PPP1R16B: variants seen among roughly 807,000 people sequenced by gnomAD.
The protein encoded by PPP1R16B is protein phosphatase 1 regulatory inhibitor subunit 16B.
PPP1R16B carries 14 observed loss-of-function variants against 61.7 expected under a neutral mutation model. The observed-to-expected ratio is 0.23, with a 90% confidence interval of 0.15 to 0.35. The LOEUF (loss-of-function observed/expected upper bound fraction) is 0.35. PPP1R16B is among the 10% of genes least tolerant of loss of function. The pLI is 1.00. For missense variants in PPP1R16B, 547 were observed against 752.5 expected, an observed-to-expected ratio of 0.73 and a Z score of 3.19; for synonymous variants, 266 against 305.3, an observed-to-expected ratio of 0.87 and a Z score of 1.34.
intron 1 of PPP1R16B, among the ~76,000 whole-genome samples, chr20:38,829,743 C>T (rs948545338): frequency 1.1e-4 from 16 of 152,322 alleles, no homozygotes; most frequent in African/African-American, 3.1e-4. Context: ...GGGGCCACCC[C>T]GCTGCTGTGT....
chr20:38,825,646 T>A (rs1428802906), intron 1 of PPP1R16B, among the ~76,000 whole-genome samples: 2 of 152,192 alleles, frequency 1.3e-5, no homozygotes, highest in African/African-American at 2.4e-5. Flanking sequence ...ATTTCCTTGA[T>A]GCTTATCTAC....
rs1277371858 is a variant in PPP1R16B at position 38,921,377 on chromosome 20, G to T, written c.*2711G>T. 6.6e-6 allele frequency: 1 copy of T among 152,268 alleles called. No homozygotes were observed. Among genetic ancestry groups the T allele is most frequent in the Non-Finnish European group, 1.5e-5 (1 of 68,052 alleles). 9.4% of individuals were successfully genotyped at this position (152,268 alleles called of 1,614,324 possible). ...CTCTACGTTAGGTTCTGCGGATAAA[G>T]GAGGAATAAGACAGAGTCAGGAGAA... On this transcript the variant is annotated 3_prime_UTR_variant, in exon 11 of 11. Coordinates refer to ENST00000299824, the MANE Select transcript of PPP1R16B (RefSeq NM_015568.4).
At chr20:38,869,710 A>G (rs939042983) in intron 2 of PPP1R16B, among the ~76,000 whole-genome samples, 4 of 152,064 alleles carry the variant, frequency 2.6e-5, no homozygotes, top group Non-Finnish European at 4.4e-5. Context: ...TGCTCAACTT[A>G]TATGCGAAGA....
intron 1 of PPP1R16B, among the ~76,000 whole-genome samples, chr20:38,809,985 GAAAAAAAA>G (rs11086731): frequency 6.2e-5 from 5 of 80,150 alleles, no homozygotes; most frequent in African/African-American, 9.3e-5. Context: ...ACCTTGTTTC[GAAAAAAAA>G]AAAAAAAAAA....
rs577545154 is a variant in PPP1R16B at position 38,900,572 on chromosome 20, T to C, written c.468-9T>C. 6.3e-7 allele frequency: 1 copy of C among 1,597,738 alleles called. No individual in the cohort carries two copies. The highest frequency in any genetic ancestry group is 8.5e-7 in the Non-Finnish European group (1 of 1,172,946). On this transcript the variant is annotated splice_polypyrimidine_tract_variant and intron_variant, in intron 4 of 10. Transcript: ENST00000299824. ...CTACTTGGCCCTCACCCTGCCTCTT[T>C]CTCTGCAGTGGGGCCGACTTGCTTG...
rs1231463989 is a variant in PPP1R16B at position 38,921,541 on chromosome 20, T to C, written c.*2875T>C. ...TAGAATCCTTAGAGTCTGAATTCCT[T>C]TAGCTGGGAACAGCTGTCATGGTCA... On this transcript the variant is annotated 3_prime_UTR_variant, in exon 11 of 11. Transcript: ENST00000299824. 3 of 152,190 alleles carry C rather than the reference T, an allele frequency of 2.0e-5. No homozygotes were observed. The highest frequency in any genetic ancestry group is 6.5e-5 in the Admixed American group (1 of 15,280). 9.4% of individuals were successfully genotyped at this position (152,190 alleles called of 1,614,324 possible). A position where few individuals can be genotyped will look rare whatever the true frequency, so the allele number is the denominator to read the frequency against.
At chr20:38,910,726 C>T (rs1394618954) in intron 10 of PPP1R16B, among the ~76,000 whole-genome samples, 2 of 151,838 alleles carry the variant, frequency 1.3e-5, no homozygotes, top group Non-Finnish European at 2.9e-5. Context: ...GGCTGGGTGC[C>T]GTGGCTCATG....
chr20:38,862,832 T>C (rs1291778010), intron 2 of PPP1R16B, among the ~76,000 whole-genome samples: 1 of 152,224 alleles, frequency 6.6e-6, no homozygotes, highest in African/African-American at 2.4e-5. Context: ...CCATCAGTTA[T>C]GGCCTTTGGA....
chr20:38,886,576 C>T (rs1012767883), intron 2 of PPP1R16B, among the ~76,000 whole-genome samples: 1 of 152,222 alleles, frequency 6.6e-6, no homozygotes, highest in African/African-American at 2.4e-5. Flanking sequence ...AGGGCACCCC[C>T]ACTCACCCGT....
chr20:38,898,423 C>A (rs573893244), intron 4 of PPP1R16B, among the ~76,000 whole-genome samples: 1 of 152,192 alleles, frequency 6.6e-6, no homozygotes, highest in Admixed American at 6.5e-5. Flanking sequence ...AGTGTGAATC[C>A]GCCAGCTTTG....
chr20:38,868,107 T>C (rs1381308352), intron 2 of PPP1R16B, among the ~76,000 whole-genome samples: 1 of 152,216 alleles, frequency 6.6e-6, no homozygotes, highest in East Asian at 1.9e-4. Flanking sequence ...CTGGGCTGTT[T>C]TCCATCTATT....
At chr20:38,875,381 G>T (rs2085158557) in intron 2 of PPP1R16B, among the ~76,000 whole-genome samples, 1 of 152,190 alleles carries the variant, frequency 6.6e-6, no homozygotes, top group Admixed American at 6.5e-5. Flanking sequence ...TGCCCACCCA[G>T]CTGCCCTGGT....
intron 2 of PPP1R16B, among the ~76,000 whole-genome samples, chr20:38,858,885 T>C (rs1295526516): frequency 6.6e-6 from 1 of 152,186 alleles, no homozygotes; most frequent in Non-Finnish European, 1.5e-5. Context: ...TTGTCTCTGC[T>C]CCACAACGTC....
intron 2 of PPP1R16B, among the ~76,000 whole-genome samples, chr20:38,865,588 G>A (rs1452883576): frequency 6.6e-6 from 1 of 152,158 alleles, no homozygotes; most frequent in Non-Finnish European, 1.5e-5. Context: ...GCCGCGCCCG[G>A]CCTGCTGCAT....
chr20:38,835,873 C>T lies in PPP1R16B; in HGVS notation c.-53C>T, dbSNP rs1011318692. 202 of 1,474,430 alleles carry T rather than the reference C, an allele frequency of 1.4e-4. 1 individual carries two copies. In the Admixed American group the frequency reaches 4.4e-3, roughly 32 times the overall value. 91.3% of individuals were successfully genotyped at this position (1,474,430 alleles called of 1,614,324 possible). On this transcript the variant is annotated 5_prime_UTR_variant, in exon 2 of 11. Coordinates refer to ENST00000299824, the MANE Select transcript of PPP1R16B (RefSeq NM_015568.4). ...CACCAGAGGCCCCGCGCTGCCCTGG[C>T]CCCCGGTGCACCGTGCTAGCCCCCA...
In PPP1R16B at chr20:38,914,012, C is replaced by T. The variant is rs575162135; in HGVS notation, c.1195-4145C>T. ...TTTGAGACCAGCCTGGCCAACATGG[C>T]GAAACCCTGTCTCTACTAAAAATAG... On this transcript the variant is annotated intron_variant, in intron 10 of 10. Transcript: ENST00000299824. 2.0e-5 allele frequency among the ~76,000 whole-genome samples: 3 copies of T among 152,106 alleles called. No individual in the cohort carries two copies. The East Asian group carries it at 5.8e-4, about 29-fold the overall frequency.
chr20:38,916,461 CTT>C (rs1296028772), intron 10 of PPP1R16B, among the ~76,000 whole-genome samples: 2 of 149,372 alleles, frequency 1.3e-5, no homozygotes, highest in Non-Finnish European at 3.0e-5. Context: ...ATATATATAT[CTT>C]GGACATCTTT....
intron 2 of PPP1R16B, among the ~76,000 whole-genome samples, chr20:38,883,214 C>A (rs1193265813): frequency 6.6e-6 from 1 of 152,216 alleles, no homozygotes; most frequent in African/African-American, 2.4e-5. Flanking sequence ...CTCCACTGGG[C>A]AGACACCTCT....
At chr20:38,811,576 A>T (rs1288759923) in intron 1 of PPP1R16B, among the ~76,000 whole-genome samples, 1 of 152,230 alleles carries the variant, frequency 6.6e-6, no homozygotes, top group Non-Finnish European at 1.5e-5. Flanking sequence ...TTTTCTCTGC[A>T]GTACTTATAA....
Sources: allele counts gnomAD v4.1 joint callset (sites outside exome capture counted in the v4.1 genomes callset), GRCh38; gene constraint gnomAD v4.1.1; transcripts MANE v1.5; gene names NCBI Gene and HGNC (gene_info 2026-07-23, HGNC 2026-07-21).